Variants in PMS1 observed in about 807,000 individuals in gnomAD.
The protein encoded by PMS1 is PMS1 homolog 1, mismatch repair system component.
Under a neutral mutation model 93.1 loss-of-function variants are expected in PMS1, and 79 were observed. The ratio of observed to expected loss-of-function variants is 0.85; its 90% CI spans 0.71 to 1.02. The LOEUF (loss-of-function observed/expected upper bound fraction) is 1.02, where lower values mean the gene tolerates loss of function less well. Ranked by LOEUF, PMS1 falls within the 50% of genes least tolerant of loss-of-function variation. The probability of loss-of-function intolerance (pLI) is 0.00; values close to 1 mark genes in which losing one functional copy is unlikely to be tolerated. For missense variants in PMS1, 1,064 were observed against 1,085.3 expected (o/e 0.98, Z 0.28); for synonymous variants, 335 against 363.4 (o/e 0.92, Z 0.89).
chr2:189,877,298 A>G lies in PMS1; in HGVS notation c.2661A>G (p.Gln887=), dbSNP rs61748257. The part of the protein sequence containing the change: ...LEGEAVRLSR[Q]LPMYLSKEDI... Reference sequence around the variant, plus strand: ...GAGAAGCAGTGCGTCTATCCAGACAATTACCCATGTACTTATCAAAAGAGG... The same window carrying G: ...GAGAAGCAGTGCGTCTATCCAGACAGTTACCCATGTACTTATCAAAAGAGG... Residue 887 remains glutamine (Q), a synonymous_variant, in exon 13 of 13, where the codon CAA becomes CAG. Coordinates refer to ENST00000441310, the MANE Select transcript of PMS1 (RefSeq NM_000534.5). 880 of 1,613,848 alleles carry G rather than the reference A, an allele frequency of 5.5e-4. 13 individuals are homozygous for G. In the South Asian group the frequency reaches 8.3e-3, roughly 15 times the overall value.
chr2:189,787,685 G>A (rs925378504), intron 1 of PMS1, among the ~76,000 whole-genome samples: 1 of 151,874 alleles, frequency 6.6e-6, no homozygotes, highest in African/African-American at 2.4e-5. Flanking sequence ...AACAGTGCTG[G>A]ATAGAGTACT....
At chr2:189,815,948 G>T (rs2051260863) in intron 4 of PMS1, among the ~76,000 whole-genome samples, 1 of 152,098 alleles carries the variant, frequency 6.6e-6, no homozygotes, top group African/African-American at 2.4e-5. Context: ...CTGTCACCCG[G>T]GCTTGAGTGC....
At chr2:189,844,169 G>A (rs2054049240) in intron 6 of PMS1, 89 bp downstream of exon 6, 3 of 1,593,406 alleles carry the variant, frequency 1.9e-6, no homozygotes, top group Non-Finnish European at 1.7e-6. Flanking sequence ...GTGGCAAGAG[G>A]TTAGTCTTTT....
intron 10 of PMS1, among the ~76,000 whole-genome samples, chr2:189,865,214 A>C (rs952255114): frequency 6.6e-6 from 1 of 152,046 alleles, no homozygotes; most frequent in Non-Finnish European, 1.5e-5. Context: ...TTTATATTTA[A>C]TTTGTATCTA....
chr2:189,830,859 A>G (rs1480818244), intron 5 of PMS1, among the ~76,000 whole-genome samples: 1 of 152,202 alleles, frequency 6.6e-6, no homozygotes, highest in East Asian at 1.9e-4. Context: ...AGATAGCAAA[A>G]CAGCAAGTAT....
At chr2:189,850,817 G>A (rs1488243959) in intron 6 of PMS1, among the ~76,000 whole-genome samples, 2 of 152,134 alleles carry the variant, frequency 1.3e-5, no homozygotes, top group African/African-American at 2.4e-5. Flanking sequence ...TCAAATAAGA[G>A]AAGGGCTGCG....
intron 1 of PMS1, among the ~76,000 whole-genome samples, chr2:189,790,169 A>G (rs1559207314): frequency 2.0e-5 from 3 of 152,226 alleles, no homozygotes; most frequent in Admixed American, 6.5e-5. Context: ...GTATGAGACC[A>G]GTTCAGATTA....
At chr2:189,833,437 C>T (rs1307239723) in intron 5 of PMS1, among the ~76,000 whole-genome samples, 3 of 152,206 alleles carry the variant, frequency 2.0e-5, no homozygotes, top group Middle Eastern at 3.4e-3. Flanking sequence ...CAAAAATTAA[C>T]TGGGCATGGT....
intron 5 of PMS1, among the ~76,000 whole-genome samples, chr2:189,843,086 C>T (rs945084088): frequency 1.3e-5 from 2 of 151,836 alleles, no homozygotes; most frequent in Non-Finnish European, 2.9e-5. Context: ...GGCGTGTTCT[C>T]GCCTCACTGC....
At chr2:189,860,800 A>ATTTTTTTTTT in intron 9 of PMS1, among the ~76,000 whole-genome samples, 1 of 41,028 alleles carries the variant, frequency 2.4e-5, no homozygotes, top group Non-Finnish European at 4.7e-5. Flanking sequence ...TCTTTGAGGA[A>ATTTTTTTTTT]TTTTTTTTTT....
intron 7 of PMS1, 52 bp downstream of exon 7, chr2:189,852,829 G>C (rs1559301602): frequency 8.3e-7 from 1 of 1,197,616 alleles, no homozygotes; most frequent in Non-Finnish European, 1.2e-6. Flanking sequence ...TTGTCACATT[G>C]TAACAAGGAC....
intron 4 of PMS1, among the ~76,000 whole-genome samples, chr2:189,809,125 G>A (rs750312916): frequency 1.3e-5 from 2 of 152,100 alleles, no homozygotes; most frequent in Non-Finnish European, 2.9e-5. Flanking sequence ...GTGATTGTGC[G>A]TGTATTAAAA....
intron 5 of PMS1, among the ~76,000 whole-genome samples, chr2:189,822,367 C>T (rs1399534978): frequency 3.9e-5 from 6 of 152,214 alleles, no homozygotes; most frequent in African/African-American, 1.4e-4. Flanking sequence ...AATACAGCTA[C>T]ATTTTCTCCA....
rs371897642 is a variant in PMS1 at position 189,816,731 on chromosome 2, TC to T, written c.419-1284del. On this transcript the variant is annotated intron_variant, in intron 4 of 12. Transcript: ENST00000441310. ...ACTACAGTTTCAAAGTCTTATACGT[TC>T]CTTATGATTGCCATTTTCTTTGTGT... Among the ~76,000 whole-genome samples the T allele has an allele frequency of 2.2e-3, 330 of 152,336 alleles. 2 individuals carry two copies. Among genetic ancestry groups the T allele is most frequent in the African/African-American group, 7.5e-3 (310 of 41,582 alleles).
chr2:189,838,086 G>T (rs1422975248), intron 5 of PMS1, among the ~76,000 whole-genome samples: 1 of 152,158 alleles, frequency 6.6e-6, no homozygotes, highest in Non-Finnish European at 1.5e-5. Context: ...CATGCTGTTG[G>T]TTGCACAGCT....
rs147390241 is a variant in PMS1, at chr2:189,846,757, C to T, written c.699+2677C>T. On this transcript the variant is annotated intron_variant, in intron 6 of 12. Transcript: ENST00000441310. ...TCTTGCACTTTCGCTTGTTGATAGT[C>T]TGGCAGACATAGACTTTTAGATTGA... is the stretch of plus-strand genomic sequence containing the variant. 5.7e-3 allele frequency among the ~76,000 whole-genome samples: 865 copies of T among 152,194 alleles called. 17 individuals are homozygous for T. Among genetic ancestry groups the T allele is most frequent in the Non-Finnish European group, 4.3e-3 (292 of 68,012 alleles).
chr2:189,829,636 A>C (rs2106366121), intron 5 of PMS1, among the ~76,000 whole-genome samples: 1 of 152,250 alleles, frequency 6.6e-6, no homozygotes, highest in Non-Finnish European at 1.5e-5. Flanking sequence ...GGGGAAGAAA[A>C]CCCACACCCA....
chr2:189,874,148 T>C (rs1159046863), intron 12 of PMS1, among the ~76,000 whole-genome samples: 1 of 152,074 alleles, frequency 6.6e-6, no homozygotes. Context: ...ATAGACTGAC[T>C]GTGGTAAACT....
rs2106529580 is a variant in PMS1, at chr2:189,867,780, G to A, written c.2343-19G>A. On this transcript the variant is annotated intron_variant, in intron 10 of 12. Transcript: ENST00000441310. ...TTTTGTGTTTTTAATAAGTTAAAGG[G>A]CCATAATTTCTTTTTCAGTCTTTTT... 1.3e-6 allele frequency: 2 copies of A among 1,537,028 alleles called. No homozygotes were observed. Among genetic ancestry groups the A allele is most frequent in the South Asian group, 1.1e-5 (1 of 89,286 alleles).
Sources: allele counts gnomAD v4.1 joint callset (sites outside exome capture counted in the v4.1 genomes callset), GRCh38; gene constraint gnomAD v4.1.1; transcripts MANE v1.5; gene names NCBI Gene and HGNC (gene_info 2026-07-23, HGNC 2026-07-21).